The following ADAM9 variants were observed in gnomAD, a reference collection of about 807,000 sequenced individuals.
ADAM9 encodes disintegrin and metalloproteinase domain-containing protein 9.
A neutral mutation model predicts 108.1 loss-of-function variants in ADAM9; 54 were observed. The ratio of observed to expected loss-of-function variants is 0.50; its 90% CI spans 0.40 to 0.63. ADAM9 has a LOEUF of 0.63. Ranked by LOEUF, ADAM9 falls within the 20% of genes least tolerant of loss-of-function variation. The pLI, the probability that ADAM9 is intolerant of heterozygous loss-of-function variation, is 0.00. For synonymous variants in ADAM9, 316 were observed against 336.0 expected, an observed-to-expected ratio of 0.94 and a Z score of 0.65; for missense variants, 830 against 997.7, an observed-to-expected ratio of 0.83 and a Z score of 2.26.
At chr8:39,097,067 G>A (rs1223616920) in intron 20 of ADAM9, among the ~76,000 whole-genome samples, 1 of 152,042 alleles carries the variant, frequency 6.6e-6, no homozygotes, top group Non-Finnish European at 1.5e-5. Context: ...TGTATTATTT[G>A]TCATTTATTA....
At position 39,099,383 on chromosome 8, in the gene ADAM9, T is replaced by G. The variant is rs1363762100; in HGVS notation, c.2299-2480T>G. On this transcript the variant is annotated intron_variant, in intron 20 of 21. Transcript: ENST00000487273. ...CTTACTTCCCACCAACCCAGCCAAG[T>G]GTTTCAAAATACCTTTTAAATATTT... 3.3e-5 allele frequency among the ~76,000 whole-genome samples: 5 copies of G among 152,306 alleles called. No homozygotes were observed. In the East Asian group the frequency reaches 7.7e-4, roughly 23 times the overall value.
chr8:39,016,529 A>C (rs1050197675), intron 5 of ADAM9, among the ~76,000 whole-genome samples: 1 of 152,226 alleles, frequency 6.6e-6, no homozygotes, highest in African/African-American at 2.4e-5. Flanking sequence ...TTTAAGTCTT[A>C]TTATGACTGT....
chr8:39,091,263 G>C lies in ADAM9; in HGVS notation c.2215G>C (p.Asp739His). ...AAAAGTAATTGTATCTTTCAGGTCA[G>C]ATGGCAAAAATCAAGCAAACCCTTC... ...RKKRSQTYES[D>H]GKNQANPSRQ... The change falls in exon 20 of 22, where the codon GAT becomes CAT. Residue 739 changes from aspartate to histidine, a missense_variant. Transcript: ENST00000487273. 1 of 1,613,918 alleles carries C rather than the reference G, an allele frequency of 6.2e-7. No homozygotes were observed. The highest frequency in any genetic ancestry group is 8.5e-7 in the Non-Finnish European group (1 of 1,179,852).
intron 20 of ADAM9, among the ~76,000 whole-genome samples, chr8:39,100,334 GA>G (rs1193546349): frequency 5.3e-5 from 8 of 149,918 alleles, no homozygotes; most frequent in Middle Eastern, 3.4e-3. Flanking sequence ...CTAAAAATAC[GA>G]AAAAAAAATT....
intron 17 of ADAM9, 53 bp from the exon 18 acceptor site, chr8:39,082,915 G>A (rs1471048251): frequency 6.7e-7 from 1 of 1,493,644 alleles, no homozygotes; most frequent in Non-Finnish European, 9.3e-7. Context: ...TTGAGTTGAT[G>A]ATATAGAGCA....
chr8:39,029,318 GACACTGATA>G (rs1052955461), intron 11 of ADAM9, among the ~76,000 whole-genome samples: 7 of 151,948 alleles, frequency 4.6e-5, no homozygotes, highest in Admixed American at 3.9e-4. Flanking sequence ...GAGGTAGAGG[GACACTGATA>G]ACACTGATAA....
In ADAM9 at chr8:39,054,706, T is replaced by A. The variant is rs898267115; in HGVS notation, c.1395+133T>A. 16 of 689,996 alleles carry A rather than the reference T, an allele frequency of 2.3e-5. No individual in the cohort carries two copies. The Admixed American group carries it at 4.4e-4, about 19-fold the overall frequency. 42.7% of individuals were successfully genotyped at this position (689,996 alleles called of 1,614,324 possible). A position where few individuals can be genotyped will look rare whatever the true frequency, so the allele number is the denominator to read the frequency against. ...TTTTATGGTCATGGGAAAAATTTTATGCCACTTGTGTATAATTTTAAAGCA... is the reference window on the plus strand; with the variant it reads ...TTTTATGGTCATGGGAAAAATTTTAAGCCACTTGTGTATAATTTTAAAGCA... On this transcript the variant is annotated intron_variant, in intron 13 of 21. Transcript: ENST00000487273.
At chr8:39,068,907 GT>G (rs1838585801) in intron 14 of ADAM9, among the ~76,000 whole-genome samples, 1 of 152,030 alleles carries the variant, frequency 6.6e-6, no homozygotes, top group Admixed American at 6.6e-5. Flanking sequence ...AACCTCCAGT[GT>G]TTTGCCAGGG....
intron 18 of ADAM9, among the ~76,000 whole-genome samples, chr8:39,089,367 G>A (rs899630612): frequency 6.6e-6 from 1 of 152,222 alleles, no homozygotes; most frequent in Admixed American, 6.5e-5. Context: ...GGCTCTGTGG[G>A]TGAGGCTATG....
intron 1 of ADAM9, among the ~76,000 whole-genome samples, chr8:38,998,931 AG>A (rs1325067038): frequency 1.3e-5 from 2 of 152,198 alleles, no homozygotes; most frequent in Non-Finnish European, 2.9e-5. Context: ...TTCACCCCGT[AG>A]GAAGTTCTTT....
At chr8:39,044,845 GGTGT>G (rs1038873256) in intron 12 of ADAM9, among the ~76,000 whole-genome samples, 3 of 151,184 alleles carry the variant, frequency 2.0e-5, no homozygotes, top group South Asian at 2.1e-4. Context: ...TATTCCGTGG[GGTGT>G]GTGTATGTGT....
intron 7 of ADAM9, 78 bp from the exon 8 acceptor site, chr8:39,021,565 T>G: frequency 1.6e-6 from 2 of 1,278,414 alleles, no homozygotes; most frequent in Non-Finnish European, 2.3e-6. Context: ...ATTACAGGCA[T>G]GAGGTACTGC....
chr8:39,025,839 T>A lies in ADAM9; in HGVS notation c.951T>A (p.Phe317Leu). The A allele has an allele frequency of 3.1e-6, 5 of 1,614,186 alleles. No individual in the cohort carries two copies. The highest frequency in any genetic ancestry group is 4.2e-6 in the Non-Finnish European group (5 of 1,180,036). ...TTGGTGGAACTGCAGGAATGGCATT[T>A]GTGGGAACAGTGTGTTCAAGGAGCC... ...KGFGGTAGMA[F>L]VGTVCSRSHA... is the part of the protein sequence containing the mutation. Residue 317 changes from phenylalanine (F) to leucine (L), a missense_variant, in exon 10 of 22, where the codon TTT becomes TTA. Phe to Leu is a conservative substitution (Grantham distance 22, BLOSUM62 0). Transcript: ENST00000487273.
chr8:39,034,195 A>T (rs562521893), intron 11 of ADAM9, among the ~76,000 whole-genome samples: 1 of 152,266 alleles, frequency 6.6e-6, no homozygotes, highest in South Asian at 2.1e-4. Context: ...GCACTGCCAG[A>T]TAGAGTGTTT....
At chr8:39,018,651 T>C in intron 6 of ADAM9, 3 of 603,608 alleles carry the variant, frequency 5.0e-6, no homozygotes, top group Non-Finnish European at 8.8e-6. Context: ...TTAAAGTCAT[T>C]AGCAGAACTG....
chr8:39,067,877 G>C (rs1009423526), intron 14 of ADAM9, among the ~76,000 whole-genome samples: 2 of 152,126 alleles, frequency 1.3e-5, no homozygotes, highest in Non-Finnish European at 2.9e-5. Context: ...TATTGGCTGT[G>C]GGTTTGTCAT....
intron 16 of ADAM9, among the ~76,000 whole-genome samples, chr8:39,078,218 G>T (rs1423373608): frequency 6.6e-6 from 1 of 152,036 alleles, no homozygotes; most frequent in Non-Finnish European, 1.5e-5. Flanking sequence ...TCCTGTCCTT[G>T]CAACTAAATA....
intron 2 of ADAM9, among the ~76,000 whole-genome samples, chr8:39,009,862 G>C (rs1235351780): frequency 2.3e-5 from 3 of 128,034 alleles, no homozygotes; most frequent in Middle Eastern, 4.6e-3. Context: ...CATGAATGCA[G>C]TCTTGTATTC....
At chr8:39,032,350 T>C (rs1837123171) in intron 11 of ADAM9, among the ~76,000 whole-genome samples, 1 of 152,232 alleles carries the variant, frequency 6.6e-6, no homozygotes, top group Non-Finnish European at 1.5e-5. Flanking sequence ...CCTGGCTGCT[T>C]TGTTTACCTA....
Sources: gnomAD v4.1 joint callset for allele counts (sites outside exome capture counted in the v4.1 genomes callset) on GRCh38, gnomAD v4.1.1 for gene constraint, MANE v1.5 for transcripts, NCBI Gene and HGNC (gene_info 2026-07-23, HGNC 2026-07-21) for gene names.